Variants in TOGARAM2 observed in about 807,000 individuals in gnomAD.
The protein encoded by TOGARAM2 is TOG array regulator of axonemal microtubules protein 2.
Under a neutral mutation model 93.3 loss-of-function variants are expected in TOGARAM2, and 85 were observed. The observed-to-expected ratio is 0.91, with a 90% confidence interval of 0.76 to 1.09. The LOEUF is 1.09. TOGARAM2 is among the 50% of genes least tolerant of loss of function. TOGARAM2 has a pLI of 0.00. For missense variants in TOGARAM2, 1,277 were observed against 1,334.5 expected, an observed-to-expected ratio of 0.96 and a Z score of 0.67; for synonymous variants, 593 against 552.8, an observed-to-expected ratio of 1.07 and a Z score of -1.02.
At position 29,051,770 on chromosome 2, in the gene TOGARAM2, G is replaced by T. The variant is rs1667082575; in HGVS notation, c.2737G>T (p.Val913Phe). Residue 913 changes from valine to phenylalanine, a missense_variant, in exon 20 of 20, where the codon GTT becomes TTT. Val to Phe is a conservative substitution (Grantham distance 50). Coordinates refer to ENST00000379558, the MANE Select transcript of TOGARAM2 (RefSeq NM_199280.4). ...CTGCCTGACAGTGCTGGTGGCCTCA[G>T]TTTACCCCCGGAAGCCTCAAGCTGT... ...TDRLAVLVASVYPRKPQAVER... is the reference protein window; with the variant it reads ...TDRLAVLVASFYPRKPQAVER... 1.3e-6 allele frequency: 2 copies of T among 1,515,972 alleles called. No individual in the cohort carries two copies. The highest frequency in any genetic ancestry group is 2.8e-5 in the African/African-American group (2 of 72,516). 93.9% of individuals were successfully genotyped at this position (1,515,972 alleles called of 1,614,324 possible). A position where few individuals can be genotyped will look rare whatever the true frequency, so the allele number is the denominator to read the frequency against.
intron 14 of TOGARAM2, 28 bp from the exon 15 acceptor site, chr2:29,032,906 C>A (rs1457767492): frequency 6.3e-7 from 1 of 1,591,008 alleles, no homozygotes; most frequent in Admixed American, 1.7e-5. Context: ...GAGGCTGTTT[C>A]TTTATCTTGC....
At position 29,036,765 on chromosome 2, in the gene TOGARAM2, T is replaced by A. The variant is rs2148380166; in HGVS notation, c.2635+8T>A. 6.2e-7 allele frequency: 1 copy of A among 1,609,538 alleles called. No homozygotes were observed. Among genetic ancestry groups the A allele is most frequent in the Non-Finnish European group, 8.5e-7 (1 of 1,177,756 alleles). Reference sequence around the variant, plus strand: ...CGATGGTTGAGAGCCTGGGTGAGTGTCCCACGTGGGCCTGTGTGGCTCTGG... The same window carrying A: ...CGATGGTTGAGAGCCTGGGTGAGTGACCCACGTGGGCCTGTGTGGCTCTGG... On this transcript the variant is annotated splice_region_variant and intron_variant, in intron 18 of 19. Coordinates refer to ENST00000379558, the MANE Select transcript of TOGARAM2 (RefSeq NM_199280.4).
At position 29,045,346 on chromosome 2, in the gene TOGARAM2, G is replaced by C. The variant is rs368033428; in HGVS notation, c.2658G>C (p.Ala886=). Reference sequence around the variant, plus strand: ...CAGACAACCTTTGCCTTCTACCAGCGCTTGCTGGGCGAGTGCGTTTCCTGA... The same window carrying C: ...CAGACAACCTTTGCCTTCTACCAGCCCTTGCTGGGCGAGTGCGTTTCCTGA... ...ESLDNLCLLP[A]LAGRVRFLSG... Residue 886 remains alanine (A), a synonymous_variant, in exon 19 of 20, where the codon GCG becomes GCC. Transcript: ENST00000379558. 24 of 1,613,502 alleles carry C rather than the reference G, an allele frequency of 1.5e-5. No homozygotes were observed. The highest frequency in any genetic ancestry group is 2.0e-5 in the Non-Finnish European group (24 of 1,179,852).
intron 1 of TOGARAM2, among the ~76,000 whole-genome samples, chr2:28,975,789 C>G (rs1672018351): frequency 6.6e-6 from 1 of 152,086 alleles, no homozygotes; most frequent in South Asian, 2.1e-4. Context: ...GCACACAGAT[C>G]TAGGTGGGAT....
chr2:29,036,033 C>T (rs1328442831), intron 17 of TOGARAM2, among the ~76,000 whole-genome samples: 1 of 151,920 alleles, frequency 6.6e-6, no homozygotes, highest in South Asian at 2.1e-4. Flanking sequence ...GGAGTAGGTA[C>T]AAGCCCTTCA....
At chr2:29,008,931 G>C (rs1558428016) in intron 6 of TOGARAM2, among the ~76,000 whole-genome samples, 1 of 152,186 alleles carries the variant, frequency 6.6e-6, no homozygotes, top group Non-Finnish European at 1.5e-5. Context: ...ATTTCCCTTT[G>C]TTGACAATGT....
Position 29,014,398 on chromosome 2 carries a change from C to G in TOGARAM2, c.881C>G (p.Pro294Arg). The G allele has an allele frequency of 6.2e-7, 1 of 1,610,418 alleles. No individual in the cohort carries two copies. Reference sequence around the variant, plus strand: ...ACCCCTGTTCTCAACCCCTCAGAGCCAAAACCTTTGGCCTCACCCATCAGA... The same window carrying G: ...ACCCCTGTTCTCAACCCCTCAGAGCGAAAACCTTTGGCCTCACCCATCAGA... Reference protein sequence around the residue: ...PREKTPASLEPKPLASPIRDR... With the variant: ...PREKTPASLERKPLASPIRDR... The change falls in exon 8 of 20, where the codon CCA becomes CGA. Residue 294 changes from proline to arginine, a missense_variant. Transcript: ENST00000379558.
In TOGARAM2 at chr2:29,045,367, C is replaced by A. The variant is rs746449071; in HGVS notation, c.2679C>A (p.Phe893Leu). Residue 893 changes from phenylalanine (F) to leucine (L), a missense_variant, in exon 19 of 20, where the codon TTC becomes TTA. Transcript: ENST00000379558. ...CAGCGCTTGCTGGGCGAGTGCGTTT[C>A]CTGAGTGGCCGTGCGGTGCTGGATG... The part of the protein sequence containing the change: ...LLPALAGRVR[F>L]LSGRAVLDVT... The A allele has an allele frequency of 5.0e-6, 8 of 1,613,806 alleles. No individual in the cohort carries two copies. In the East Asian group the frequency reaches 1.6e-4, roughly 31 times the overall value.
intron 1 of TOGARAM2, among the ~76,000 whole-genome samples, chr2:28,990,255 G>A (rs1259208389): frequency 1.3e-5 from 2 of 152,208 alleles, no homozygotes; most frequent in Non-Finnish European, 2.9e-5. Context: ...TCCAGAGGCT[G>A]GGCTGACATC....
intron 1 of TOGARAM2, among the ~76,000 whole-genome samples, chr2:28,993,369 G>T (rs894733202): frequency 6.6e-6 from 1 of 152,216 alleles, no homozygotes; most frequent in Non-Finnish European, 1.5e-5. Flanking sequence ...GAAGGTCTGT[G>T]CCAGCCTGCC....
chr2:29,034,012 T>A (rs1161407155), intron 16 of TOGARAM2, among the ~76,000 whole-genome samples: 1 of 152,072 alleles, frequency 6.6e-6, no homozygotes, highest in East Asian at 1.9e-4. Context: ...TGGGAGCAGT[T>A]AGAAACCAAG....
chr2:29,002,576 G>A lies in TOGARAM2; in HGVS notation c.468G>A (p.Leu156=), dbSNP rs1247981768. The A allele has an allele frequency of 6.2e-7, 1 of 1,613,946 alleles. No individual in the cohort carries two copies. Among genetic ancestry groups the A allele is most frequent in the Non-Finnish European group, 8.5e-7 (1 of 1,179,882 alleles). The change falls in exon 5 of 20, where the codon CTG becomes CTA. Residue 156 remains leucine (L), a synonymous_variant. Coordinates refer to ENST00000379558, the MANE Select transcript of TOGARAM2 (RefSeq NM_199280.4). ...DPGGGPQGVP[L]HSTIPRATSQ... ...GGGGAGGCCCCCAAGGAGTTCCCCT[G>A]CACAGCACCATCCCCCGAGCCACCT...
At chr2:29,026,546 G>A (rs1369381853) in intron 13 of TOGARAM2, among the ~76,000 whole-genome samples, 1 of 152,164 alleles carries the variant, frequency 6.6e-6, no homozygotes, top group African/African-American at 2.4e-5. Context: ...ATGGAGAAGA[G>A]TACTTAGACA....
chr2:28,979,994 C>T (rs1672117260), upstream of TOGARAM2, among the ~76,000 whole-genome samples: 1 of 152,218 alleles, frequency 6.6e-6, no homozygotes, highest in Non-Finnish European at 1.5e-5. Flanking sequence ...AGCTGTGTGG[C>T]TTGGGGCAAG....
intron 8 of TOGARAM2, among the ~76,000 whole-genome samples, chr2:29,015,517 C>T (rs904725913): frequency 1.3e-5 from 2 of 152,184 alleles, no homozygotes; most frequent in African/African-American, 4.8e-5. Flanking sequence ...CTCTCTGTTA[C>T]CTCTTTCATT....
chr2:29,013,035 A>G (rs1271849783), intron 7 of TOGARAM2, among the ~76,000 whole-genome samples: 1 of 152,216 alleles, frequency 6.6e-6, no homozygotes, highest in African/African-American at 2.4e-5. Flanking sequence ...CCCAGAGGTA[A>G]GATGCCTTTT....
In TOGARAM2 at chr2:28,967,921, C is replaced by T. The variant is rs1477960053; in HGVS notation, c.-147+11224C>T. Among the ~76,000 whole-genome samples the T allele has an allele frequency of 4.7e-5, 7 of 148,286 alleles. No individual in the cohort carries two copies. The South Asian group carries it at 6.4e-4, about 14-fold the overall frequency. Reference sequence around the variant, plus strand: ...GCAACCTCCCCCTCCTGGGTTCAAGCGATTCTCCTGTCTCAGCCTCCCGGG... The same window carrying T: ...GCAACCTCCCCCTCCTGGGTTCAAGTGATTCTCCTGTCTCAGCCTCCCGGG... On this transcript the variant is annotated intron_variant, in intron 1 of 6. Transcript: ENST00000401723.
At chr2:29,044,537 G>A (rs760897585) in intron 18 of TOGARAM2, among the ~76,000 whole-genome samples, 2 of 152,042 alleles carry the variant, frequency 1.3e-5, no homozygotes, top group Non-Finnish European at 1.5e-5. Flanking sequence ...GGGAGAGCCC[G>A]GGCCCACCAG....
chr2:29,047,205 C>T (rs1666796222), intron 19 of TOGARAM2: 1 of 152,602 alleles, frequency 6.6e-6, no homozygotes, highest in African/African-American at 2.4e-5. Flanking sequence ...GCAGGGCTGG[C>T]TGCAGGTGAG....
Sources: gnomAD v4.1 joint callset for allele counts (sites outside exome capture counted in the v4.1 genomes callset) on GRCh38, gnomAD v4.1.1 for gene constraint, MANE v1.5 for transcripts, NCBI Gene and HGNC (gene_info 2026-07-23, HGNC 2026-07-21) for gene names.